The following RIMS2 variants were observed in gnomAD, a reference collection of about 807,000 sequenced individuals.
The protein encoded by RIMS2 is regulating synaptic membrane exocytosis protein 2.
RIMS2 carries 59 observed loss-of-function variants against 174.4 expected under a neutral mutation model. The observed-to-expected ratio is 0.34, with a 90% CI of 0.27 to 0.42. The LOEUF is 0.42. RIMS2 is among the 10% of genes least tolerant of loss of function. The pLI is 1.00. For synonymous variants in RIMS2, 606 were observed against 572.5 expected (o/e 1.06, Z -0.84); for missense variants, 1,620 against 1,666.3 (o/e 0.97, Z 0.48).
At chr8:103,887,603 C>A (rs937451737) in intron 4 of RIMS2, among the ~76,000 whole-genome samples, 10 of 151,462 alleles carry the variant, frequency 6.6e-5, no homozygotes, top group African/African-American at 2.4e-4. Flanking sequence ...TACCAACCTC[C>A]TACCCCCAAT....
intron 9 of RIMS2, chr8:103,920,859 C>T (rs1400007918): frequency 3.8e-5 from 13 of 346,582 alleles, no homozygotes; most frequent in South Asian, 1.3e-4. Context: ...ATTATCCGGA[C>T]GTGGTGGCAG....
intron 2 of RIMS2, among the ~76,000 whole-genome samples, chr8:103,708,271 A>AT (rs1314552167): frequency 1.4e-4 from 22 of 152,184 alleles, no homozygotes; most frequent in African/African-American, 5.3e-4. Context: ...GGGGTGGCAG[A>AT]TTCTCTTCTG....
At chr8:103,735,048 C>T (rs1591343956) in intron 2 of RIMS2, among the ~76,000 whole-genome samples, 1 of 152,276 alleles carries the variant, frequency 6.6e-6, no homozygotes, top group East Asian at 1.9e-4. Context: ...ACTAACACTG[C>T]TACACCAACC....
intron 13 of RIMS2, among the ~76,000 whole-genome samples, chr8:103,940,746 G>A (rs1595537404): frequency 6.6e-6 from 1 of 152,024 alleles, no homozygotes; most frequent in East Asian, 1.9e-4. Context: ...CACAGTGGTG[G>A]GCTCCTGTAA....
intron 15 of RIMS2, among the ~76,000 whole-genome samples, chr8:103,969,980 C>A (rs1456494492): frequency 6.6e-6 from 1 of 152,128 alleles, no homozygotes; most frequent in African/African-American, 2.4e-5. Flanking sequence ...CAACTCCTGA[C>A]CTCAAGTAAT....
At chr8:104,223,034 G>A (rs994581096) in intron 19 of RIMS2, among the ~76,000 whole-genome samples, 2 of 152,110 alleles carry the variant, frequency 1.3e-5, no homozygotes, top group Admixed American at 1.3e-4. Context: ...TGTGTTTGAG[G>A]AGCGTTAAAA....
chr8:103,972,024 C>T (rs554203274), intron 15 of RIMS2, among the ~76,000 whole-genome samples: 1 of 152,138 alleles, frequency 6.6e-6, no homozygotes, highest in African/African-American at 2.4e-5. Context: ...CTATCTTACT[C>T]CTTCTCCTAG....
chr8:103,705,066 AC>A (rs1405193326), intron 2 of RIMS2, among the ~76,000 whole-genome samples: 1 of 151,770 alleles, frequency 6.6e-6, no homozygotes, highest in Non-Finnish European at 1.5e-5. Flanking sequence ...AAGTCTTCCT[AC>A]TTTTTTGACT....
intron 3 of RIMS2, among the ~76,000 whole-genome samples, chr8:103,858,308 A>G (rs1444447495): frequency 6.6e-6 from 1 of 152,154 alleles, no homozygotes; most frequent in Non-Finnish European, 1.5e-5. Flanking sequence ...TGTCTATCAT[A>G]ATGCTTTGTA....
chr8:103,776,477 C>A (rs1341527478), intron 3 of RIMS2, among the ~76,000 whole-genome samples: 3 of 152,044 alleles, frequency 2.0e-5, no homozygotes, highest in Non-Finnish European at 4.4e-5. Flanking sequence ...ATAGAATGTA[C>A]AGAAGGTAGT....
chr8:104,093,764 T>C, intron 19 of RIMS2, 121 bp downstream of exon 24: 1 of 662,726 alleles, frequency 1.5e-6, no homozygotes, highest in Non-Finnish European at 2.4e-6. Context: ...CCAGGGGAGC[T>C]TAACTTCAGT....
intron 3 of RIMS2, among the ~76,000 whole-genome samples, chr8:103,825,001 C>G (rs992012256): frequency 1.3e-5 from 2 of 152,142 alleles, no homozygotes; most frequent in African/African-American, 2.4e-5. Flanking sequence ...TATCTAGGGT[C>G]TGCTGCTTAC....
chr8:103,737,891 C>T (rs1346393783), intron 2 of RIMS2, among the ~76,000 whole-genome samples: 2 of 152,158 alleles, frequency 1.3e-5, no homozygotes, highest in Non-Finnish European at 2.9e-5. Flanking sequence ...CCATCAACAT[C>T]ACCTACTCTC....
chr8:104,013,511 G>C, exon 18 of RIMS2: 2 of 1,613,828 alleles, frequency 1.2e-6, no homozygotes, highest in Non-Finnish European at 1.7e-6. Context: ...CTCTCCTTGA[G>C]CGGACCACCA....
chr8:103,547,426 A>G (rs747325646), intron 1 of RIMS2, among the ~76,000 whole-genome samples: 54 of 152,216 alleles, frequency 3.5e-4, no homozygotes, highest in Non-Finnish European at 7.2e-4. Flanking sequence ...TAAACAATGA[A>G]ATTAAGGCAG....
chr8:103,807,607 G>C (rs1026315843), intron 3 of RIMS2, among the ~76,000 whole-genome samples: 1 of 152,100 alleles, frequency 6.6e-6, no homozygotes, highest in African/African-American at 2.4e-5. Context: ...CTGATAACTT[G>C]ATTCACATAT....
At chr8:103,879,875 G>A (rs1169126493) in intron 3 of RIMS2, among the ~76,000 whole-genome samples, 1 of 151,644 alleles carries the variant, frequency 6.6e-6, no homozygotes, top group Non-Finnish European at 1.5e-5. Flanking sequence ...GAAGGAATTT[G>A]TGTGGCCTTA....
intron 3 of RIMS2, among the ~76,000 whole-genome samples, chr8:103,770,273 G>C (rs528863945): frequency 1.3e-5 from 2 of 152,162 alleles, no homozygotes; most frequent in East Asian, 1.9e-4. Context: ...AGACCATATG[G>C]GTCTCAAAAC....
intron 19 of RIMS2, chr8:104,223,381 G>GCTCTCCGTCCC: frequency 8.1e-7 from 1 of 1,231,518 alleles, no homozygotes; most frequent in Non-Finnish European, 1.0e-6. Flanking sequence ...TCCCGGGCGA[G>GCTCTCCGTCCC]ACCTCGGACG....
Sources: allele counts gnomAD v4.1 joint callset (sites outside exome capture counted in the v4.1 genomes callset), GRCh38; gene constraint gnomAD v4.1.1; transcripts MANE v1.5; gene names NCBI Gene and HGNC (gene_info 2026-07-23, HGNC 2026-07-21).